The following EYS variants were observed in gnomAD, a reference collection of about 807,000 sequenced individuals.
EYS encodes EGF-like photoreceptor maintenance factor, also known as protein eyes shut homolog.
EYS carries 250 observed loss-of-function variants against 282.1 expected under a neutral mutation model. The observed-to-expected ratio is 0.89, with a 90% CI of 0.80 to 0.98. The LOEUF is 0.98. Among genes scored for constraint, EYS ranks in the 50% least tolerant of loss-of-function variants. The probability of loss-of-function intolerance (pLI) is 0.00; values close to 1 mark genes in which losing one functional copy is unlikely to be tolerated. For missense variants in EYS, 4,016 were observed against 3,709.0 expected, an observed-to-expected ratio of 1.08 and a Z score of -2.15; for synonymous variants, 1,355 against 1,282.9, an observed-to-expected ratio of 1.06 and a Z score of -1.20.
intron 33 of EYS, among the ~76,000 whole-genome samples, chr6:64,049,986 G>T (rs1359476751): frequency 6.6e-6 from 1 of 152,152 alleles, no homozygotes; most frequent in Non-Finnish European, 1.5e-5. Context: ...CGATGAATTT[G>T]CAAGAAGGCT....
At chr6:64,140,190 C>T (rs1379268835) in intron 31 of EYS, among the ~76,000 whole-genome samples, 1 of 152,000 alleles carries the variant, frequency 6.6e-6, no homozygotes, top group East Asian at 1.9e-4. Flanking sequence ...GGGTAACCCC[C>T]CATCTATTTT....
rs565970991 is a variant in EYS, at chr6:63,877,300, C to T, written c.7056-12942G>A. ...CTTAAGAATGTTGAATATTGGCCCCCACTCTCTTCTGGCTTGTAGAGTTTC... is the reference window on the plus strand; with the variant it reads ...CTTAAGAATGTTGAATATTGGCCCCTACTCTCTTCTGGCTTGTAGAGTTTC... On this transcript the variant is annotated intron_variant, in intron 35 of 42. Coordinates refer to ENST00000503581, the MANE Select transcript of EYS (RefSeq NM_001142800.2). Among the ~76,000 whole-genome samples, 248 of 152,328 alleles carry T rather than the reference C, an allele frequency of 1.6e-3. 1 individual carries two copies. Among genetic ancestry groups the T allele is most frequent in the African/African-American group, 5.6e-3 (233 of 41,580 alleles).
At chr6:65,560,605 A>C (rs1212458864) in intron 2 of EYS, among the ~76,000 whole-genome samples, 1 of 151,702 alleles carries the variant, frequency 6.6e-6, no homozygotes, top group Non-Finnish European at 1.5e-5. Flanking sequence ...GATGGCATGC[A>C]TCTCTGCCAT....
intron 30 of EYS, among the ~76,000 whole-genome samples, chr6:64,304,885 A>G (rs1393636443): frequency 6.6e-6 from 1 of 152,204 alleles, no homozygotes; most frequent in Non-Finnish European, 1.5e-5. Flanking sequence ...GTAAGGGGGA[A>G]ATTCATAGCC....
chr6:64,764,620 A>G (rs917636368), intron 22 of EYS, among the ~76,000 whole-genome samples: 1 of 152,208 alleles, frequency 6.6e-6, no homozygotes, highest in Non-Finnish European at 1.5e-5. Context: ...GCCCATCTTT[A>G]CTTATGCAAA....
At chr6:65,081,187 G>T (rs1410212889) in intron 12 of EYS, among the ~76,000 whole-genome samples, 1 of 152,024 alleles carries the variant, frequency 6.6e-6, no homozygotes, top group African/African-American at 2.4e-5. Flanking sequence ...TAATATATGT[G>T]ATCATTATGT....
At chr6:64,206,079 G>T (rs1374095643) in intron 31 of EYS, among the ~76,000 whole-genome samples, 1 of 151,170 alleles carries the variant, frequency 6.6e-6, no homozygotes, top group East Asian at 1.9e-4. Flanking sequence ...TAATCTACCT[G>T]GTAAGACTCA....
intron 1 of EYS, among the ~76,000 whole-genome samples, chr6:65,697,979 A>G (rs1355475524): frequency 6.6e-6 from 1 of 151,440 alleles, no homozygotes; most frequent in Non-Finnish European, 1.5e-5. Context: ...TTATTTCACA[A>G]AGAGTGGCTT....
chr6:64,444,282 A>G (rs1442945213), intron 26 of EYS, among the ~76,000 whole-genome samples: 2 of 152,224 alleles, frequency 1.3e-5, no homozygotes, highest in African/African-American at 2.4e-5. Context: ...GAGATGGACT[A>G]AATGGTTGGT....
intron 13 of EYS, among the ~76,000 whole-genome samples, chr6:65,004,646 T>C (rs1771581935): frequency 1.4e-5 from 2 of 147,780 alleles, no homozygotes; most frequent in African/African-American, 4.9e-5. Flanking sequence ...AAATTCACAG[T>C]GATAACTTGG....
rs544458449 is a variant in EYS, at chr6:64,394,472, C to T, written c.5928-5632G>A. Among the ~76,000 whole-genome samples, 13 of 152,174 alleles carry T rather than the reference C, an allele frequency of 8.5e-5. No individual in the cohort carries two copies. The East Asian group carries it at 9.7e-4, about 11-fold the overall frequency. On this transcript the variant is annotated intron_variant, in intron 28 of 42. Coordinates refer to ENST00000503581, the MANE Select transcript of EYS (RefSeq NM_001142800.2). ...AACAGAATAGAGCCCTCCGAAATAA[C>T]GCCGCATATCTACAACTATCTGATC...
At chr6:64,327,066 T>C (rs1476699959) in intron 29 of EYS, among the ~76,000 whole-genome samples, 1 of 151,714 alleles carries the variant, frequency 6.6e-6, no homozygotes, top group Non-Finnish European at 1.5e-5. Context: ...TGTGTGAAAG[T>C]GTGTGGAAGA....
intron 19 of EYS, among the ~76,000 whole-genome samples, chr6:64,850,054 G>A (rs1401144855): frequency 2.6e-5 from 4 of 151,920 alleles, no homozygotes; most frequent in African/African-American, 9.7e-5. Flanking sequence ...TACAGGAGCC[G>A]ATATTTTATC....
At chr6:64,101,371 T>A in intron 31 of EYS, among the ~76,000 whole-genome samples, 1 of 152,130 alleles carries the variant, frequency 6.6e-6, no homozygotes, top group Non-Finnish European at 1.5e-5. Flanking sequence ...AAAGTTTCCT[T>A]AAAAGCACAG....
intron 35 of EYS, among the ~76,000 whole-genome samples, chr6:63,886,188 C>T (rs1420779142): frequency 6.6e-6 from 1 of 152,328 alleles, no homozygotes; most frequent in Admixed American, 6.5e-5. Context: ...CCTTTATCTA[C>T]TGGCTTGGGC....
chr6:65,567,537 G>A (rs1582465057), intron 2 of EYS, among the ~76,000 whole-genome samples: 1 of 151,950 alleles, frequency 6.6e-6, no homozygotes, highest in Non-Finnish European at 1.5e-5. Context: ...ATCGCTGAAT[G>A]TCTTCTAATA....
At chr6:64,602,913 G>C (rs1407816198) in intron 24 of EYS, among the ~76,000 whole-genome samples, 1 of 151,968 alleles carries the variant, frequency 6.6e-6, no homozygotes, top group Non-Finnish European at 1.5e-5. Context: ...AGGCTTTAGG[G>C]ACTAATAAAA....
chr6:64,923,101 G>A (rs1042636313), intron 15 of EYS, among the ~76,000 whole-genome samples: 2 of 151,858 alleles, frequency 1.3e-5, no homozygotes, highest in African/African-American at 4.8e-5. Flanking sequence ...ATGTTTAGTG[G>A]CTGTATTAGT....
intron 36 of EYS, among the ~76,000 whole-genome samples, 179 bp from the exon 37 acceptor site, chr6:63,806,551 C>T (rs953482333): frequency 6.6e-5 from 10 of 152,302 alleles, no homozygotes; most frequent in East Asian, 5.8e-4. Context: ...AAAACCAGAA[C>T]AAAGGAAATG....
Sources: gnomAD v4.1 joint callset for allele counts (sites outside exome capture counted in the v4.1 genomes callset) on GRCh38, gnomAD v4.1.1 for gene constraint, MANE v1.5 for transcripts, NCBI Gene and HGNC (gene_info 2026-07-23, HGNC 2026-07-21) for gene names.